RHBDD1: variants seen among roughly 807,000 people sequenced by gnomAD.
RHBDD1 encodes the protein rhomboid-related protein 4.
Under a neutral mutation model 36.3 loss-of-function variants are expected in RHBDD1, and 38 were observed. The ratio of observed to expected loss-of-function variants is 1.05; its 90% confidence interval spans 0.81 to 1.37. The LOEUF (loss-of-function observed/expected upper bound fraction) is 1.37, where lower values mean the gene tolerates loss of function less well. Ranked by LOEUF, RHBDD1 falls within the 40% of genes most tolerant of loss-of-function variation. The pLI is 0.00. For synonymous variants in RHBDD1, 151 were observed against 136.5 expected (o/e 1.11, Z -0.74); for missense variants, 393 against 377.6 (o/e 1.04, Z -0.34).
intron 1 of RHBDD1, among the ~76,000 whole-genome samples, chr2:226,836,680 G>C (rs940147131): frequency 2.6e-5 from 4 of 152,194 alleles, no homozygotes; most frequent in African/African-American, 7.2e-5. Context: ...CAGCGTTACT[G>C]TCAAAATGAA....
At chr2:226,994,257 G>A (rs1958911427) in intron 8 of RHBDD1, among the ~76,000 whole-genome samples, 1 of 152,216 alleles carries the variant, frequency 6.6e-6, no homozygotes, top group Non-Finnish European at 1.5e-5. Flanking sequence ...TGTCCCAGAT[G>A]CTGGGGAGAG....
At position 226,904,415 on chromosome 2, in the gene RHBDD1, G is replaced by GC. The variant is rs886567742; in HGVS notation, c.567-2378_567-2377insC. On this transcript the variant is annotated intron_variant, in intron 5 of 8. Coordinates refer to ENST00000392062, the MANE Select transcript of RHBDD1 (RefSeq NM_001167608.3). ...CACCACTGTGGCACATCCTGCAAGC[G>GC]GGGGGGGAGGGGGGTCAGGGAACTC... is the stretch of plus-strand genomic sequence containing the variant. Among the ~76,000 whole-genome samples the GC allele has an allele frequency of 8.8e-5, 11 of 124,596 alleles. 1 individual carries two copies. The South Asian group carries it at 1.8e-3, about 21-fold the overall frequency. The allele number at this position is 124,596 out of a possible 152,430, so 81.7% of individuals were successfully genotyped here. A position where few individuals can be genotyped will look rare whatever the true frequency, so the allele number is the denominator to read the frequency against.
intron 6 of RHBDD1, 166 bp downstream of exon 6, chr2:226,907,047 C>G: frequency 1.4e-6 from 1 of 695,980 alleles, no homozygotes; most frequent in South Asian, 1.7e-5. Context: ...CAGTTCCTTA[C>G]ATTGCTCCAC....
upstream of RHBDD1, among the ~76,000 whole-genome samples, chr2:226,833,753 G>A (rs1227450876): frequency 6.6e-6 from 1 of 152,104 alleles, no homozygotes; most frequent in Non-Finnish European, 1.5e-5. Flanking sequence ...TGATTCTTTG[G>A]TATTTTTAAG....
the RHBDD1 span, among the ~76,000 whole-genome samples, chr2:226,825,108 T>C: frequency 1.3e-5 from 2 of 152,210 alleles, no homozygotes; most frequent in African/African-American, 4.8e-5. Context: ...TACATTAGTT[T>C]TTCATCAAGC....
At chr2:226,984,458 G>C (rs549145137) in intron 8 of RHBDD1, among the ~76,000 whole-genome samples, 97 of 152,230 alleles carry the variant, frequency 6.4e-4, no homozygotes, top group African/African-American at 2.1e-3. Flanking sequence ...ATGCCATCAC[G>C]GGGGCTCCAC....
intron 8 of RHBDD1, among the ~76,000 whole-genome samples, chr2:226,954,725 A>G (rs918346314): frequency 5.9e-5 from 9 of 152,130 alleles, no homozygotes; most frequent in Admixed American, 4.6e-4. Flanking sequence ...AAGAAAATAA[A>G]TCGGTATGGT....
chr2:226,972,958 C>G (rs990322224), intron 8 of RHBDD1, among the ~76,000 whole-genome samples: 2 of 149,174 alleles, frequency 1.3e-5, no homozygotes, highest in Non-Finnish European at 3.0e-5. Flanking sequence ...AAAAACCATG[C>G]AGGTTCCCCC....
the RHBDD1 span, chr2:226,804,411 C>T: frequency 1.3e-5 from 2 of 152,170 alleles, no homozygotes; most frequent in African/African-American, 4.8e-5. Context: ...TTGGCAAATG[C>T]ACAGCCTTAA....
At chr2:226,866,545 T>A (rs1285944339) in intron 4 of RHBDD1, among the ~76,000 whole-genome samples, 1 of 152,172 alleles carries the variant, frequency 6.6e-6, no homozygotes, top group Non-Finnish European at 1.5e-5. Flanking sequence ...GTCTACAGAT[T>A]AGCTGTGTGA....
intron 5 of RHBDD1, among the ~76,000 whole-genome samples, chr2:226,878,839 A>G (rs1298209444): frequency 6.6e-6 from 1 of 152,220 alleles, no homozygotes; most frequent in African/African-American, 2.4e-5. Context: ...GAATGAATAT[A>G]GGAAAAGTAG....
intron 5 of RHBDD1, among the ~76,000 whole-genome samples, chr2:226,893,419 G>T (rs922194067): frequency 6.6e-6 from 1 of 152,126 alleles, no homozygotes; most frequent in East Asian, 1.9e-4. Flanking sequence ...CATTTATTCT[G>T]CTACAGTACA....
the RHBDD1 span, among the ~76,000 whole-genome samples, chr2:226,822,339 TAAGA>T: frequency 0.17 from 26,069 of 151,958 alleles, 3,403 homozygotes; most frequent in African/African-American, 0.37. Flanking sequence ...TTGCGTACAT[TAAGA>T]AAGAAATGTG....
chr2:226,881,396 T>G (rs1252272263), intron 5 of RHBDD1, among the ~76,000 whole-genome samples: 1 of 152,234 alleles, frequency 6.6e-6, no homozygotes, highest in Admixed American at 6.5e-5. Flanking sequence ...TTTTTTTGTT[T>G]AACATGCTAT....
intron 8 of RHBDD1, among the ~76,000 whole-genome samples, chr2:226,918,869 A>C (rs1949106232): frequency 6.6e-6 from 1 of 152,068 alleles, no homozygotes; most frequent in African/African-American, 2.4e-5. Flanking sequence ...CTCTACATTT[A>C]GTTTTCTGTG....
At position 226,881,888 on chromosome 2, in the gene RHBDD1, G is replaced by C. The variant is rs563040346; in HGVS notation, c.566+14570G>C. ...CTATTTTCTTGTCTGTGATTTTTCT[G>C]TTTGTGTCCTTTACATATTTTCAGG... On this transcript the variant is annotated intron_variant, in intron 5 of 8. Coordinates refer to ENST00000392062, the MANE Select transcript of RHBDD1 (RefSeq NM_001167608.3). 2.1e-3 allele frequency among the ~76,000 whole-genome samples: 317 copies of C among 152,192 alleles called. 1 individual carries two copies. Among genetic ancestry groups the C allele is most frequent in the Non-Finnish European group, 3.6e-3 (243 of 67,990 alleles).
chr2:226,902,080 C>G (rs1335266944), intron 5 of RHBDD1, among the ~76,000 whole-genome samples: 1 of 152,114 alleles, frequency 6.6e-6, no homozygotes, highest in African/African-American at 2.4e-5. Context: ...AATCCCCAGT[C>G]CTAGCCTAAG....
rs550256666 is a variant in RHBDD1 at position 226,911,570 on chromosome 2, G to A, written c.713-2638G>A. On this transcript the variant is annotated intron_variant, in intron 7 of 8. Transcript: ENST00000392062. ...TTTTTTTTTTTTTTTTTTTAATAAG[G>A]AATGAAAAGTAAGATGTGTAAAAAC... 6.3e-5 allele frequency among the ~76,000 whole-genome samples: 9 copies of A among 142,696 alleles called. No individual in the cohort carries two copies. In the South Asian group the frequency reaches 1.8e-3, roughly 28 times the overall value. The allele number at this position is 142,696 out of a possible 152,430, so 93.6% of individuals were successfully genotyped here. A position where few individuals can be genotyped will look rare whatever the true frequency, so the allele number is the denominator to read the frequency against.
chr2:226,966,147 A>G (rs1338288462), intron 8 of RHBDD1, among the ~76,000 whole-genome samples: 1 of 152,176 alleles, frequency 6.6e-6, no homozygotes, highest in Non-Finnish European at 1.5e-5. Flanking sequence ...TTTTTCCAGC[A>G]TTATTTGGGT....
Sources: allele counts gnomAD v4.1 joint callset (sites outside exome capture counted in the v4.1 genomes callset), GRCh38; gene constraint gnomAD v4.1.1; transcripts MANE v1.5; gene names NCBI Gene and HGNC (gene_info 2026-07-23, HGNC 2026-07-21).